The following ATG4D variants were observed in gnomAD, a reference collection of about 807,000 sequenced individuals.
The protein encoded by ATG4D is autophagy related 4D cysteine peptidase.
Under a neutral mutation model 55.2 loss-of-function variants are expected in ATG4D, and 51 were observed. That is an observed-to-expected ratio of 0.92 (90% CI 0.74 to 1.17). The LOEUF is 1.17. Among genes scored for constraint, ATG4D ranks in the 50% most tolerant of loss-of-function variants. The pLI, the probability that ATG4D is intolerant of heterozygous loss-of-function variation, is 0.00. For synonymous variants in ATG4D, 268 were observed against 266.2 expected, an observed-to-expected ratio of 1.01 and a Z score of -0.07; for missense variants, 635 against 649.6, an observed-to-expected ratio of 0.98 and a Z score of 0.25.
intron 6 of ATG4D, chr19:10,550,975 A>C (rs1238936809): frequency 6.6e-6 from 1 of 151,960 alleles, no homozygotes; most frequent in Non-Finnish European, 1.5e-5. Flanking sequence ...CTCCCAAAGT[A>C]CTGAGATTAT....
chr19:10,544,755 G>T (rs1275572382), intron 1 of ATG4D, 28 bp from the exon 2 acceptor site: 1 of 1,612,254 alleles, frequency 6.2e-7, no homozygotes, highest in Non-Finnish European at 8.5e-7. Context: ...GCTTCATCTC[G>T]CTGGGCGCTG....
Position 10,553,038 on chromosome 19 carries a change from C to T in ATG4D, c.1396C>T (p.Pro466Ser), listed in dbSNP as rs756889457. 3 of 1,610,270 alleles carry T rather than the reference C, an allele frequency of 1.9e-6. No homozygotes were observed. Among genetic ancestry groups the T allele is most frequent in the Non-Finnish European group, 2.5e-6 (3 of 1,179,248 alleles). The part of the protein sequence containing the change: ...RTGRLLRAKR[P>S]SSEDFVFL Reference sequence around the variant, plus strand: ...AGGGCGGCTCCTCAGGGCCAAACGCCCCAGCTCTGAGGACTTTGTGTTTTT... The same window carrying T: ...AGGGCGGCTCCTCAGGGCCAAACGCTCCAGCTCTGAGGACTTTGTGTTTTT... Residue 466 changes from proline (P) to serine (S), a missense_variant, in exon 10 of 10, where the codon CCC becomes TCC. Transcript: ENST00000309469.
chr19:10,552,389 G>A, intron 9 of ATG4D, 65 bp downstream of exon 9: 1 of 1,541,908 alleles, frequency 6.5e-7, no homozygotes, highest in Non-Finnish European at 8.7e-7. Flanking sequence ...GGTGAAAGAG[G>A]AACAGAGGCC....
chr19:10,552,377 G>T (rs1487535871), intron 9 of ATG4D, 53 bp downstream of exon 9: 1 of 1,565,694 alleles, frequency 6.4e-7, no homozygotes. Context: ...GGCAGGGCTG[G>T]GGGTGAAAGA....
rs373539792 is a variant in ATG4D, at chr19:10,548,486, G to A, written c.836-418G>A. Among the ~76,000 whole-genome samples, 7 of 152,252 alleles carry A rather than the reference G, an allele frequency of 4.6e-5. No individual in the cohort carries two copies. In the South Asian group the frequency reaches 1.5e-3, roughly 32 times the overall value. On this transcript the variant is annotated intron_variant, in intron 5 of 9. Transcript: ENST00000309469. ...GCAGGGGGCAGGAGAATGGGCCCAA[G>A]TAAATGGGACTGGAGGAGGAGGGAC...
chr19:10,547,422 T>C (rs556635228), intron 5 of ATG4D, among the ~76,000 whole-genome samples, 169 bp downstream of exon 5: 2 of 152,062 alleles, frequency 1.3e-5, no homozygotes, highest in Middle Eastern at 6.8e-3. Flanking sequence ...CTTCTCCGTC[T>C]CTCCCTCTGG....
At position 10,549,039 on chromosome 19, in the gene ATG4D, G is replaced by A. The variant is rs564605906; in HGVS notation, c.966+5G>A. 6.2e-7 allele frequency: 1 copy of A among 1,614,050 alleles called. No homozygotes were observed. The highest frequency in any genetic ancestry group is 1.7e-5 in the Admixed American group (1 of 59,990). On this transcript the variant is annotated splice_donor_5th_base_variant and intron_variant, in intron 6 of 9. Transcript: ENST00000309469. Reference sequence around the variant, plus strand: ...GTGTATGTGCCCTGCGTGAAGGTAGGTTCAGCTGAATTCTAGGACACCTCC... The same window carrying A: ...GTGTATGTGCCCTGCGTGAAGGTAGATTCAGCTGAATTCTAGGACACCTCC...
chr19:10,548,245 A>G (rs900735825), intron 5 of ATG4D, among the ~76,000 whole-genome samples: 11 of 147,390 alleles, frequency 7.5e-5, no homozygotes, highest in African/African-American at 2.0e-4. Flanking sequence ...CTTTGCCAGT[A>G]TGGTCTCTCG....
In ATG4D at chr19:10,544,783, G is replaced by C. The variant is rs774026335; in HGVS notation, c.236G>C (p.Gly79Ala). The C allele has an allele frequency of 6.2e-7, 1 of 1,614,072 alleles. No homozygotes were observed. The highest frequency in any genetic ancestry group is 1.1e-5 in the South Asian group (1 of 91,082). Residue 79 changes from glycine (G) to alanine (A), a missense_variant and splice_region_variant, in exon 2 of 10, where the codon GGT becomes GCT. Gly to Ala is a moderately conservative substitution (Grantham distance 60). Transcript: ENST00000309469. ...GGGCGCTGCCCCTACGTCTCCCCAGGTTGGGTGGTTAAAAGCCGGACCAGC... is the reference window on the plus strand; with the variant it reads ...GGGCGCTGCCCCTACGTCTCCCCAGCTTGGGTGGTTAAAAGCCGGACCAGC... ...FLTAWNNVKY[G>A]WVVKSRTSFS...
At chr19:10,552,559 C>T (rs1208629138) in intron 9 of ATG4D, among the ~76,000 whole-genome samples, 1 of 152,222 alleles carries the variant, frequency 6.6e-6, no homozygotes, top group Non-Finnish European at 1.5e-5. Flanking sequence ...GGTGGGAACC[C>T]TCCCTGTCTC....
rs771030150 is a variant in ATG4D, at chr19:10,544,341, G to A, written c.235+16G>A. Reference sequence around the variant, plus strand: ...GTCAAGTACGGTGAGGAGGGGGCCCGGAGATCGTGGGGGTGTCGGGGGCCG... The same window carrying A: ...GTCAAGTACGGTGAGGAGGGGGCCCAGAGATCGTGGGGGTGTCGGGGGCCG... On this transcript the variant is annotated intron_variant, in intron 1 of 9. Transcript: ENST00000309469. 2 of 1,310,482 alleles carry A rather than the reference G, an allele frequency of 1.5e-6. No individual in the cohort carries two copies. Among genetic ancestry groups the A allele is most frequent in the Non-Finnish European group, 2.0e-6 (2 of 1,021,590 alleles). The allele number at this position is 1,310,482 out of a possible 1,614,324, so 81.2% of individuals were successfully genotyped here. A position where few individuals can be genotyped will look rare whatever the true frequency, so the allele number is the denominator to read the frequency against.
chr19:10,544,096 C>T lies in ATG4D; in HGVS notation c.6C>T (p.Asn2=). 1 of 1,239,896 alleles carries T rather than the reference C, an allele frequency of 8.1e-7. No homozygotes were observed. The highest frequency in any genetic ancestry group is 1.0e-6 in the Non-Finnish European group (1 of 985,280). 76.8% of individuals were successfully genotyped at this position (1,239,896 alleles called of 1,614,324 possible). A position where few individuals can be genotyped will look rare whatever the true frequency, so the allele number is the denominator to read the frequency against. Residue 2 remains asparagine, a synonymous_variant, in exon 1 of 10, where the codon AAC becomes AAT. Coordinates refer to ENST00000309469, the MANE Select transcript of ATG4D (RefSeq NM_032885.6). M[N]SVSPAAAQYR... is the part of the protein sequence containing the mutation. The stretch of plus-strand genomic sequence containing the variant: ...TCCGCCCTCCCGGCGCGTCCATGAA[C>T]TCAGTGTCGCCGGCCGCCGCGCAGT...
At position 10,543,989 on chromosome 19, in the gene ATG4D, TA is replaced by T. The variant is rs1348406856; in HGVS notation, c.-101del. 2.7e-6 allele frequency: 2 copies of T among 747,560 alleles called. No homozygotes were observed. The highest frequency in any genetic ancestry group is 3.6e-6 in the Non-Finnish European group (2 of 550,770). The allele number at this position is 747,560 out of a possible 1,614,324, so 46.3% of individuals were successfully genotyped here. ...CGGTACCCTGGGGACGGGGGCCGAGTAGCGCCTTCCCCGGGCCCCGTGAACC... is the reference window on the plus strand; with the variant it reads ...CGGTACCCTGGGGACGGGGGCCGAGTGCGCCTTCCCCGGGCCCCGTGAACC... On this transcript the variant is annotated 5_prime_UTR_variant, in exon 1 of 10. It removes the in-frame stop codon of an upstream open reading frame in the 5' UTR. Transcript: ENST00000309469.
intron 6 of ATG4D, among the ~76,000 whole-genome samples, chr19:10,551,484 T>TA (rs1916225486): frequency 6.7e-6 from 1 of 148,458 alleles, no homozygotes; most frequent in African/African-American, 2.5e-5. Flanking sequence ...CACCTGAGGT[T>TA]AGGAGGAGTT....
In ATG4D at chr19:10,543,920, A is replaced by C. The variant is rs1396996598; in HGVS notation, c.-171A>C. 7 of 407,274 alleles carry C rather than the reference A, an allele frequency of 1.7e-5. No homozygotes were observed. The highest frequency in any genetic ancestry group is 2.5e-5 in the Non-Finnish European group (6 of 240,466). The allele number at this position is 407,274 out of a possible 1,614,324, so 25.2% of individuals were successfully genotyped here. A position where few individuals can be genotyped will look rare whatever the true frequency, so the allele number is the denominator to read the frequency against. On this transcript the variant is annotated 5_prime_UTR_variant, in exon 1 of 10. It removes an upstream start codon present in the reference 5' UTR. Transcript: ENST00000309469. The stretch of plus-strand genomic sequence containing the variant: ...TCATCCGGGGTCCTGGCCCGCTAAG[A>C]TGGCGATGGCTGCGGTAGCAGCGGC...
Position 10,544,305 on chromosome 19 carries a change from C to T in ATG4D, c.215C>T (p.Ala72Val), listed in dbSNP as rs781472224. ...VDKFKAKFLT[A>V]WNNVKYGWVV... ...AAGTTCAAGGCCAAGTTCCTGACAG[C>T]CTGGAACAACGTCAAGTACGGTGAG... The change falls in exon 1 of 10, where the codon GCC becomes GTC. Residue 72 changes from alanine (A) to valine (V), a missense_variant. Transcript: ENST00000309469. The T allele has an allele frequency of 3.1e-6, 4 of 1,307,744 alleles. No individual in the cohort carries two copies. The highest frequency in any genetic ancestry group is 3.9e-6 in the Non-Finnish European group (4 of 1,020,236). The allele number at this position is 1,307,744 out of a possible 1,614,324, so 81.0% of individuals were successfully genotyped here.
In ATG4D at chr19:10,547,147, C is replaced by T. The variant is rs563882168; in HGVS notation, c.770+32C>T. 3 of 1,611,130 alleles carry T rather than the reference C, an allele frequency of 1.9e-6. No individual in the cohort carries two copies. The African/African-American group carries it at 4.0e-5, about 21-fold the overall frequency. On this transcript the variant is annotated intron_variant, in intron 4 of 9. Coordinates refer to ENST00000309469, the MANE Select transcript of ATG4D (RefSeq NM_032885.6). Reference sequence around the variant, plus strand: ...GCTGCTGCAGGGATCACGGGAGTTGCTGGGTACCCGCAGGCACTCAGGCCT... The same window carrying T: ...GCTGCTGCAGGGATCACGGGAGTTGTTGGGTACCCGCAGGCACTCAGGCCT...
chr19:10,546,012 T>C (rs946728926), intron 3 of ATG4D, among the ~76,000 whole-genome samples: 11 of 151,536 alleles, frequency 7.3e-5, no homozygotes, highest in Admixed American at 1.3e-4. Flanking sequence ...CCAACCCGAG[T>C]GACAGAATGA....
intron 6 of ATG4D, among the ~76,000 whole-genome samples, chr19:10,551,460 C>G (rs1054476061): frequency 4.6e-5 from 7 of 151,298 alleles, no homozygotes; most frequent in Non-Finnish European, 8.8e-5. Flanking sequence ...TTTAGGAGGC[C>G]GAGACGGGCA....
Sources: gnomAD v4.1 joint callset for allele counts (sites outside exome capture counted in the v4.1 genomes callset) on GRCh38, gnomAD v4.1.1 for gene constraint, MANE v1.5 for transcripts, NCBI Gene and HGNC (gene_info 2026-07-23, HGNC 2026-07-21) for gene names.